The following GADL1 variants were observed in gnomAD, a reference collection of about 807,000 sequenced individuals.
GADL1 encodes the protein GAD like acidic amino acid decarboxylase 1.
In GADL1, 71 loss-of-function variants were observed where a neutral mutation model predicts 69.5. The observed-to-expected ratio is 1.02, with a 90% CI of 0.84 to 1.25. The LOEUF is 1.25. Ranked by LOEUF, GADL1 falls within the 50% of genes most tolerant of loss-of-function variation. GADL1 has a pLI of 0.00. For missense variants in GADL1, 737 were observed against 631.8 expected, an observed-to-expected ratio of 1.17 and a Z score of -1.79; for synonymous variants, 254 against 214.4, an observed-to-expected ratio of 1.18 and a Z score of -1.62.
chr3:30,815,991 A>AG (rs1409631753), intron 11 of GADL1, among the ~76,000 whole-genome samples: 1 of 152,164 alleles, frequency 6.6e-6, no homozygotes, highest in African/African-American at 2.4e-5. Flanking sequence ...TACAGTGGGA[A>AG]GGGGGAATAG....
At chr3:30,881,307 A>C (rs1485741931) in intron 1 of GADL1, among the ~76,000 whole-genome samples, 1 of 151,986 alleles carries the variant, frequency 6.6e-6, no homozygotes, top group Admixed American at 6.6e-5. Flanking sequence ...AGAATGCCAA[A>C]AATTAGAACA....
chr3:30,893,363 C>T (rs1461912165), intron 1 of GADL1, among the ~76,000 whole-genome samples: 1 of 151,926 alleles, frequency 6.6e-6, no homozygotes, highest in Non-Finnish European at 1.5e-5. Context: ...AGGGTAATTA[C>T]CATACACCTG....
At chr3:30,868,920 A>G (rs577670892) in intron 1 of GADL1, among the ~76,000 whole-genome samples, 1 of 151,944 alleles carries the variant, frequency 6.6e-6, no homozygotes, top group East Asian at 1.9e-4. Context: ...AGTTAGTGCA[A>G]AGACGCTGGG....
intron 11 of GADL1, 36 bp downstream of exon 11, chr3:30,833,817 C>A (rs1697828994): frequency 6.8e-7 from 1 of 1,475,566 alleles, no homozygotes; most frequent in Non-Finnish European, 9.5e-7. Flanking sequence ...GGCTTAACCC[C>A]CTTGAAGCCC....
At chr3:30,874,670 G>A (rs1193720388) in intron 1 of GADL1, among the ~76,000 whole-genome samples, 1 of 151,902 alleles carries the variant, frequency 6.6e-6, no homozygotes, top group Non-Finnish European at 1.5e-5. Flanking sequence ...TAAGCATCTA[G>A]AACCTATTTC....
At chr3:30,776,060 T>C (rs1226444582) in intron 14 of GADL1, among the ~76,000 whole-genome samples, 1 of 151,692 alleles carries the variant, frequency 6.6e-6, no homozygotes, top group Non-Finnish European at 1.5e-5. Context: ...CACCCCAGCC[T>C]GGGCGACAGC....
chr3:30,773,272 G>C (rs960434000), intron 14 of GADL1, among the ~76,000 whole-genome samples: 6 of 152,050 alleles, frequency 3.9e-5, no homozygotes, highest in Non-Finnish European at 7.4e-5. Context: ...ACCATATTGG[G>C]ATTAATGCTT....
At chr3:30,853,139 C>A (rs1698175430) in intron 4 of GADL1, among the ~76,000 whole-genome samples, 1 of 152,080 alleles carries the variant, frequency 6.6e-6, no homozygotes, top group African/African-American at 2.4e-5. Flanking sequence ...TCCTCCTAAC[C>A]ATTAAATGTT....
At chr3:30,774,781 C>A (rs1284021409) in intron 14 of GADL1, among the ~76,000 whole-genome samples, 1 of 151,968 alleles carries the variant, frequency 6.6e-6, no homozygotes, top group African/African-American at 2.4e-5. Flanking sequence ...ATTATATTTA[C>A]TATAAATAGT....
intron 14 of GADL1, among the ~76,000 whole-genome samples, chr3:30,731,618 T>C (rs1163632070): frequency 6.6e-6 from 1 of 152,192 alleles, no homozygotes; most frequent in African/African-American, 2.4e-5. Context: ...TGTACTTCCA[T>C]GGGCAAAACG....
At chr3:30,791,180 T>A (rs1387268860) in intron 12 of GADL1, among the ~76,000 whole-genome samples, 1 of 152,134 alleles carries the variant, frequency 6.6e-6, no homozygotes, top group African/African-American at 2.4e-5. Flanking sequence ...GAAAAAGAAC[T>A]TAAAAATACA....
At chr3:30,755,614 T>C (rs535933319) in intron 14 of GADL1, among the ~76,000 whole-genome samples, 2 of 152,158 alleles carry the variant, frequency 1.3e-5, no homozygotes, top group Admixed American at 1.3e-4. Context: ...TTGTAGAAAA[T>C]ATATACTAGC....
At chr3:30,756,629 AC>A (rs755723674) in intron 14 of GADL1, among the ~76,000 whole-genome samples, 64 of 152,312 alleles carry the variant, frequency 4.2e-4, no homozygotes, top group Non-Finnish European at 8.7e-4. Flanking sequence ...CTTTGCAAAT[AC>A]ATTTGCTCTC....
chr3:30,799,794 A>G (rs968841447), intron 12 of GADL1: 4 of 152,250 alleles, frequency 2.6e-5, no homozygotes, highest in African/African-American at 9.7e-5. Flanking sequence ...ATCAGATACC[A>G]TAAATCATCT....
chr3:30,777,490 G>A (rs775009513), intron 14 of GADL1, among the ~76,000 whole-genome samples: 34 of 152,196 alleles, frequency 2.2e-4, no homozygotes, highest in Admixed American at 7.2e-4. Context: ...CATCCAGAAA[G>A]TGGGATCAAG....
chr3:30,774,868 C>CA (rs1230744863), intron 14 of GADL1, among the ~76,000 whole-genome samples: 4 of 151,902 alleles, frequency 2.6e-5, no homozygotes, highest in African/African-American at 9.7e-5. Context: ...AGACTTCCAG[C>CA]AGAAGAGTGA....
intron 14 of GADL1, among the ~76,000 whole-genome samples, chr3:30,731,641 A>T (rs1695458567): frequency 6.6e-6 from 1 of 152,210 alleles, no homozygotes; most frequent in Admixed American, 6.5e-5. Flanking sequence ...GGGAATAAAA[A>T]CCAAACTTCT....
intron 1 of GADL1, among the ~76,000 whole-genome samples, chr3:30,885,169 T>C (rs967804089): frequency 6.6e-6 from 1 of 152,108 alleles, no homozygotes; most frequent in African/African-American, 2.4e-5. Context: ...TAACTCCTCA[T>C]TATGCCTTAG....
At chr3:30,766,494 G>A (rs536587996) in intron 14 of GADL1, among the ~76,000 whole-genome samples, 757 of 152,308 alleles carry the variant, frequency 5.0e-3, no homozygotes, top group African/African-American at 0.018. Context: ...AGCACTATGT[G>A]AAGTGGTTTA....
Sources: gnomAD v4.1 joint callset for allele counts (sites outside exome capture counted in the v4.1 genomes callset) on GRCh38, gnomAD v4.1.1 for gene constraint, MANE v1.5 for transcripts, NCBI Gene and HGNC (gene_info 2026-07-23, HGNC 2026-07-21) for gene names.